The following MSRA variants were observed in gnomAD, a reference collection of about 807,000 sequenced individuals.
The protein encoded by MSRA is mitochondrial peptide methionine sulfoxide reductase.
In MSRA, 54 loss-of-function variants were observed where a neutral mutation model predicts 31.3. The ratio of observed to expected loss-of-function variants is 1.73; its 90% CI spans 1.39 to 2.17. MSRA has a LOEUF of 2.17. MSRA is among the 30% of genes most tolerant of loss of function. The pLI, the probability that MSRA is intolerant of heterozygous loss-of-function variation, is 0.00. For missense variants in MSRA, 507 were observed against 300.9 expected (o/e 1.69, Z -5.07); for synonymous variants, 169 against 116.5 (o/e 1.45, Z -2.90).
intron 1 of MSRA, among the ~76,000 whole-genome samples, chr8:10,190,336 G>T (rs1403177137): frequency 6.6e-6 from 1 of 152,168 alleles, no homozygotes; most frequent in Non-Finnish European, 1.5e-5. Flanking sequence ...GGCCGCCCCT[G>T]CCTGTGCCGC....
chr8:10,211,438 A>G (rs561949513), intron 2 of MSRA, among the ~76,000 whole-genome samples: 2 of 152,228 alleles, frequency 1.3e-5, no homozygotes, highest in South Asian at 2.1e-4. Context: ...AACGAAGGTA[A>G]TAGGCTTGGT....
chr8:10,095,802 T>C (rs1274270807), intron 1 of MSRA: 4 of 1,222,870 alleles, frequency 3.3e-6, no homozygotes, highest in Non-Finnish European at 4.1e-6. Context: ...GTCACCAGTA[T>C]TAAGGGAAAT....
chr8:10,374,036 C>G (rs972810699), intron 5 of MSRA, among the ~76,000 whole-genome samples: 1 of 152,220 alleles, frequency 6.6e-6, no homozygotes, highest in Admixed American at 6.5e-5. Flanking sequence ...TTCCTGGCTT[C>G]CATGCAAACT....
At chr8:10,063,530 C>T (rs962092369) in intron 1 of MSRA, among the ~76,000 whole-genome samples, 1 of 152,132 alleles carries the variant, frequency 6.6e-6, no homozygotes, top group Non-Finnish European at 1.5e-5. Flanking sequence ...CTATGTGCCC[C>T]TACTGAATTC....
At chr8:10,302,431 C>G (rs1800897788) in intron 4 of MSRA, among the ~76,000 whole-genome samples, 1 of 152,212 alleles carries the variant, frequency 6.6e-6, no homozygotes, top group Admixed American at 6.5e-5. Flanking sequence ...ATTTGGCAGT[C>G]AGTCTATTTC....
Position 10,054,590 on chromosome 8 carries a change from A to G in MSRA, c.74A>G (p.Asn25Ser), listed in dbSNP as rs1031148739. Residue 25 changes from asparagine (N) to serine (S), a missense_variant, in exon 1 of 6, where the codon AAC becomes AGC. Transcript: ENST00000317173. ...HSLFPVPRMG[N>S]SASNIVSPQE... ...CTCTTTCCCGTCCCGAGGATGGGCAACTCGGCCTCGAACATCGTCAGCCCC... is the reference window on the plus strand; with the variant it reads ...CTCTTTCCCGTCCCGAGGATGGGCAGCTCGGCCTCGAACATCGTCAGCCCC... 3 of 1,581,506 alleles carry G rather than the reference A, an allele frequency of 1.9e-6. No homozygotes were observed. Among genetic ancestry groups the G allele is most frequent in the South Asian group, 1.1e-5 (1 of 88,256 alleles).
chr8:10,229,539 TGA>T (rs900516434), intron 2 of MSRA, among the ~76,000 whole-genome samples: 3 of 152,036 alleles, frequency 2.0e-5, no homozygotes, highest in Non-Finnish European at 4.4e-5. Flanking sequence ...TCGAGTGGAC[TGA>T]GAGGGGATTT....
chr8:10,283,490 A>G (rs937991579), intron 3 of MSRA, among the ~76,000 whole-genome samples: 1 of 151,868 alleles, frequency 6.6e-6, no homozygotes, highest in East Asian at 1.9e-4. Context: ...ATTTGGTTAC[A>G]TGAGTGCATT....
At chr8:10,076,350 C>T (rs370151023) in intron 1 of MSRA, among the ~76,000 whole-genome samples, 10 of 152,142 alleles carry the variant, frequency 6.6e-5, no homozygotes, top group East Asian at 1.9e-4. Flanking sequence ...GCAAGAGCTG[C>T]GGTGTATGGC....
chr8:10,423,596 C>T (rs895291447), intron 5 of MSRA, among the ~76,000 whole-genome samples: 3 of 152,188 alleles, frequency 2.0e-5, no homozygotes, highest in Non-Finnish European at 4.4e-5. Context: ...TCCTGCACCA[C>T]CCCACTCTCC....
chr8:10,319,256 C>A (rs148965381), intron 4 of MSRA, among the ~76,000 whole-genome samples: 176 of 152,300 alleles, frequency 1.2e-3, no homozygotes, highest in African/African-American at 4.1e-3. Flanking sequence ...TACAGGGGAT[C>A]TGTGGCAACC....
intron 5 of MSRA, among the ~76,000 whole-genome samples, chr8:10,360,013 A>C (rs1342391887): frequency 1.3e-5 from 2 of 152,188 alleles, no homozygotes; most frequent in East Asian, 3.9e-4. Context: ...CTATCTGCTC[A>C]ATTTTGATTC....
intron 5 of MSRA, among the ~76,000 whole-genome samples, chr8:10,376,985 ATTCT>A (rs956192397): frequency 7.9e-5 from 12 of 152,192 alleles, no homozygotes; most frequent in Non-Finnish European, 1.5e-4. Context: ...GTTAGCCCAG[ATTCT>A]TTTGTTGTGT....
chr8:10,177,268 G>A (rs976420004), intron 1 of MSRA, among the ~76,000 whole-genome samples: 1 of 152,158 alleles, frequency 6.6e-6, no homozygotes, highest in Non-Finnish European at 1.5e-5. Context: ...TGGGGGATTG[G>A]TTTATTTCCC....
chr8:10,275,145 A>G (rs180839037), intron 3 of MSRA, among the ~76,000 whole-genome samples: 7 of 151,990 alleles, frequency 4.6e-5, no homozygotes, highest in Admixed American at 3.9e-4. Flanking sequence ...AATTTCTCAT[A>G]ATGTGCCAAA....
Position 10,289,723 on chromosome 8 carries a change from T to A in MSRA, c.332-11811T>A, listed in dbSNP as rs539218703. 2.0e-5 allele frequency among the ~76,000 whole-genome samples: 3 copies of A among 152,320 alleles called. No individual in the cohort carries two copies. In the South Asian group the frequency reaches 6.2e-4, roughly 32 times the overall value. ...CATGCTCGTAGGGCCTCTCTAGTTG[T>A]CTTTTAACTCTGAGGTGGAACACAG... On this transcript the variant is annotated intron_variant, in intron 3 of 5. Coordinates refer to ENST00000317173, the MANE Select transcript of MSRA (RefSeq NM_012331.5).
chr8:10,143,229 T>C (rs1319586582), intron 1 of MSRA, among the ~76,000 whole-genome samples: 4 of 152,122 alleles, frequency 2.6e-5, no homozygotes, highest in Non-Finnish European at 4.4e-5. Flanking sequence ...GCACATGTAC[T>C]TATCCCTCAC....
intron 5 of MSRA, chr8:10,410,985 TC>T (rs1449490380): frequency 6.6e-6 from 1 of 151,804 alleles, no homozygotes; most frequent in Non-Finnish European, 1.5e-5. Flanking sequence ...TTTTCCTTTC[TC>T]CCTCCCTCCT....
chr8:10,419,705 G>T (rs889279630), intron 5 of MSRA, among the ~76,000 whole-genome samples: 11 of 152,342 alleles, frequency 7.2e-5, no homozygotes, highest in Admixed American at 5.9e-4. Context: ...GGTTACTTGG[G>T]AAGTTGGTGG....
Sources: gnomAD v4.1 joint callset for allele counts (sites outside exome capture counted in the v4.1 genomes callset) on GRCh38, gnomAD v4.1.1 for gene constraint, MANE v1.5 for transcripts, NCBI Gene and HGNC (gene_info 2026-07-23, HGNC 2026-07-21) for gene names.